The following UCP2 variants were observed in gnomAD, a reference collection of about 807,000 sequenced individuals.
The protein encoded by UCP2 is dicarboxylate carrier SLC25A8.
Under a neutral mutation model 31.3 loss-of-function variants are expected in UCP2, and 27 were observed. The ratio of observed to expected loss-of-function variants is 0.86; its 90% CI spans 0.64 to 1.19. The LOEUF (loss-of-function observed/expected upper bound fraction) is 1.19, where lower values mean the gene tolerates loss of function less well. Among genes scored for constraint, UCP2 ranks in the 50% most tolerant of loss-of-function variants. The probability of loss-of-function intolerance (pLI) is 0.00; values close to 1 mark genes in which losing one functional copy is unlikely to be tolerated. For synonymous variants in UCP2, 142 were observed against 157.4 expected, an observed-to-expected ratio of 0.90 and a Z score of 0.73; for missense variants, 377 against 413.5, an observed-to-expected ratio of 0.91 and a Z score of 0.76.
chr11:73,980,408 T>C lies in UCP2; in HGVS notation c.-100+1068A>G, dbSNP rs115271422. Among the ~76,000 whole-genome samples, 499 of 152,292 alleles carry C rather than the reference T, an allele frequency of 3.3e-3. 4 individuals are homozygous for C. Among genetic ancestry groups the C allele is most frequent in the African/African-American group, 0.01 (429 of 41,568 alleles). ...ACCATAGCAACTACACTGGGACCTATAGAACAGGGCCTGACCTTATTCCTG... is the reference window on the plus strand; with the variant it reads ...ACCATAGCAACTACACTGGGACCTACAGAACAGGGCCTGACCTTATTCCTG... On this transcript the variant is annotated intron_variant, in intron 2 of 7. Transcript: ENST00000663595.
chr11:73,979,261 C>A (rs1397034294), intron 2 of UCP2, among the ~76,000 whole-genome samples: 1 of 152,190 alleles, frequency 6.6e-6, no homozygotes, highest in Non-Finnish European at 1.5e-5. Flanking sequence ...GAAAAGACTT[C>A]TTGGGCTGGG....
At chr11:73,975,229 G>A (rs939603601) in intron 7 of UCP2, 108 bp from the exon 8 acceptor site, 1 of 1,103,118 alleles carries the variant, frequency 9.1e-7, no homozygotes, top group Non-Finnish European at 1.4e-6. Context: ...GAGGCTGGGA[G>A]GACTCAATGA....
At position 73,977,006 on chromosome 11, in the gene UCP2, C is replaced by CA; in HGVS notation, c.348dup (p.Gly117TrpfsTer70). The CA allele has an allele frequency of 6.3e-7, 1 of 1,599,244 alleles. No individual in the cohort carries two copies. Among genetic ancestry groups the CA allele is most frequent in the Non-Finnish European group, 8.5e-7 (1 of 1,170,132 alleles). On this transcript the variant is annotated frameshift_variant, in exon 5 of 8. Coordinates refer to ENST00000663595, the MANE Select transcript of UCP2 (RefSeq NM_003355.3). LOFTEE classifies it high-confidence loss of function. ...GTGCTGCCTGCTAGGAGGCGGCTCC[C>CA]AATGCTGGCATCTGTGGGCGAGCCA...
intron 2 of UCP2, among the ~76,000 whole-genome samples, chr11:73,980,422 A>T (rs1033578046): frequency 6.6e-6 from 1 of 152,176 alleles, no homozygotes; most frequent in Non-Finnish European, 1.5e-5. Flanking sequence ...ACAGGGCCTG[A>T]CCTTATTCCT....
At chr11:73,976,512 A>G in intron 6 of UCP2, 129 bp downstream of exon 6, 1 of 771,102 alleles carries the variant, frequency 1.3e-6, no homozygotes. Flanking sequence ...CAAGTAAGAG[A>G]TATCTTACTC....
intron 1 of UCP2, 146 bp downstream of exon 1, chr11:73,982,575 A>G (rs1452510961): frequency 1.3e-5 from 2 of 152,566 alleles, no homozygotes; most frequent in South Asian, 2.1e-4. Flanking sequence ...AGCCTGTCTC[A>G]AACAAACAAA....
intron 2 of UCP2, chr11:73,978,725 C>A (rs910671599): frequency 1.9e-5 from 7 of 367,666 alleles, no homozygotes; most frequent in Non-Finnish European, 3.2e-5. Context: ...TGGATCAGAG[C>A]TCTCCTAGCG....
In UCP2 at chr11:73,975,068, G is replaced by GT. The variant is rs1486230576; in HGVS notation, c.868dup (p.Thr290AsnfsTer3). 6.2e-7 allele frequency: 1 copy of GT among 1,613,892 alleles called. No homozygotes were observed. The highest frequency in any genetic ancestry group is 1.7e-5 in the Admixed American group (1 of 59,984). On this transcript the variant is annotated frameshift_variant, in exon 8 of 8. Coordinates refer to ENST00000663595, the MANE Select transcript of UCP2 (RefSeq NM_003355.3). LOFTEE classifies it high-confidence loss of function. ...GAGGGCTCGTTTCAGCTGCTCATAG[G>GT]TGACGAACATCACCACGTTCCAGGA...
intron 1 of UCP2, among the ~76,000 whole-genome samples, chr11:73,982,492 T>C (rs947039288): frequency 7.9e-5 from 12 of 152,130 alleles, no homozygotes; most frequent in African/African-American, 2.2e-4. Context: ...GGCGGATCGC[T>C]TGAACCTGGG....
At chr11:73,981,156 T>A (rs568836252) in intron 2 of UCP2, 15 of 152,198 alleles carry the variant, frequency 9.9e-5, no homozygotes, top group Non-Finnish European at 1.9e-4. Context: ...AAAGCTAGCA[T>A]CAATATGAAG....
chr11:73,979,744 G>A (rs1341699843), intron 2 of UCP2, among the ~76,000 whole-genome samples: 2 of 151,874 alleles, frequency 1.3e-5, no homozygotes, highest in African/African-American at 4.8e-5. Context: ...CTTGAGCCCA[G>A]GAGGTTGAGG....
In UCP2 at chr11:73,978,398, G is replaced by C. The variant is rs752002790; in HGVS notation, c.-20C>G. On this transcript the variant is annotated 5_prime_UTR_variant, in exon 3 of 8. Transcript: ENST00000663595. ...AACCATGATGCTGATTTCCTGCTAC[G>C]TCCCAGGAGATGGAGAAAAACTGGA... is the stretch of plus-strand genomic sequence containing the variant. 6.2e-7 allele frequency: 1 copy of C among 1,613,962 alleles called. No individual in the cohort carries two copies. Among genetic ancestry groups the C allele is most frequent in the Non-Finnish European group, 8.5e-7 (1 of 1,180,012 alleles).
At position 73,982,793 on chromosome 11, in the gene UCP2, G is replaced by C. The variant is rs45560234; in HGVS notation, c.-329C>G. On this transcript the variant is annotated 5_prime_UTR_variant, in exon 1 of 8. Transcript: ENST00000663595. ...TGGCGGAGGGCGCGTCGGACGAGCC[G>C]GGCGAGCGTGGACAGTCAATCCCAA... 1 of 152,530 alleles carries C rather than the reference G, an allele frequency of 6.6e-6. No homozygotes were observed. Among genetic ancestry groups the C allele is most frequent in the Non-Finnish European group, 1.5e-5 (1 of 68,370 alleles). 9.4% of individuals were successfully genotyped at this position (152,530 alleles called of 1,614,324 possible). A position where few individuals can be genotyped will look rare whatever the true frequency, so the allele number is the denominator to read the frequency against.
rs998248338 is a variant in UCP2, at chr11:73,978,434, C to A, written c.-56G>T. ...TGGAGAAAAACTGGAGACAGGGGCA[C>A]CTTTAATCAGCAACAAGACGAGATA... On this transcript the variant is annotated 5_prime_UTR_variant, in exon 3 of 8. Coordinates refer to ENST00000663595, the MANE Select transcript of UCP2 (RefSeq NM_003355.3). 6.8e-6 allele frequency: 11 copies of A among 1,611,362 alleles called. No homozygotes were observed. Among genetic ancestry groups the A allele is most frequent in the Admixed American group, 1.7e-5 (1 of 59,836 alleles).
intron 4 of UCP2, 81 bp downstream of exon 4, chr11:73,977,805 A>C: frequency 6.3e-7 from 1 of 1,591,612 alleles, no homozygotes; most frequent in African/African-American, 1.3e-5. Flanking sequence ...GGGCCTAAAA[A>C]ACTATATGGC....
chr11:73,976,622 C>T lies in UCP2; in HGVS notation c.634+19G>A, dbSNP rs190502975. 1.0e-4 allele frequency: 167 copies of T among 1,602,454 alleles called. No homozygotes were observed. Among genetic ancestry groups the T allele is most frequent in the East Asian group, 6.5e-4 (29 of 44,800 alleles). Reference sequence around the variant, plus strand: ...ATGGGGGAAGGGTGAGACCCAGCACCGTCTACCTCATGACTCACCTGTCAT... The same window carrying T: ...ATGGGGGAAGGGTGAGACCCAGCACTGTCTACCTCATGACTCACCTGTCAT... On this transcript the variant is annotated intron_variant, in intron 6 of 7. Coordinates refer to ENST00000663595, the MANE Select transcript of UCP2 (RefSeq NM_003355.3).
At position 73,977,000 on chromosome 11, in the gene UCP2, G is replaced by A. The variant is rs1951360431; in HGVS notation, c.355C>T (p.Arg119Cys). The A allele has an allele frequency of 6.9e-6, 11 of 1,600,720 alleles. No homozygotes were observed. Among genetic ancestry groups the A allele is most frequent in the East Asian group, 2.2e-5 (1 of 44,572 alleles). ...CCTGTGGTGCTGCCTGCTAGGAGGC[G>A]GCTCCCAATGCTGGCATCTGTGGGC... ...KGSEHASIGS[R>C]LLAGSTTGAL... is the part of the protein sequence containing the mutation. The change falls in exon 5 of 8, where the codon CGC becomes TGC. Residue 119 changes from arginine (R) to cysteine (C), a missense_variant. Arg to Cys is a radical substitution (Grantham distance 180, BLOSUM62 -3). Transcript: ENST00000663595.
At chr11:73,977,439 C>T (rs1407507658) in intron 4 of UCP2, among the ~76,000 whole-genome samples, 1 of 152,154 alleles carries the variant, frequency 6.6e-6, no homozygotes, top group Non-Finnish European at 1.5e-5. Flanking sequence ...GGAAAGACAA[C>T]CTTTTGTCTG....
chr11:73,978,383 C>T lies in UCP2; in HGVS notation c.-5G>A, dbSNP rs374415462. The stretch of plus-strand genomic sequence containing the variant: ...TGTGGCCTTGAACCCAACCATGATG[C>T]TGATTTCCTGCTACGTCCCAGGAGA... On this transcript the variant is annotated 5_prime_UTR_variant, in exon 3 of 8. Coordinates refer to ENST00000663595, the MANE Select transcript of UCP2 (RefSeq NM_003355.3). 9.0e-5 allele frequency: 145 copies of T among 1,614,066 alleles called. No homozygotes were observed. In the Middle Eastern group the frequency reaches 1.2e-3, roughly 13 times the overall value.
Sources: gnomAD v4.1 joint callset for allele counts (sites outside exome capture counted in the v4.1 genomes callset) on GRCh38, gnomAD v4.1.1 for gene constraint, MANE v1.5 for transcripts, NCBI Gene and HGNC (gene_info 2026-07-23, HGNC 2026-07-21) for gene names.